GRIA3: variants seen among roughly 807,000 people sequenced by gnomAD.
The protein encoded by GRIA3 is glutamate ionotropic receptor AMPA type subunit 3, also known as glutamate receptor 3.
Under a neutral mutation model 63.0 loss-of-function variants are expected in GRIA3, and 3 were observed. The ratio of observed to expected loss-of-function variants is 0.05; its 90% confidence interval spans 0.02 to 0.12. The LOEUF (loss-of-function observed/expected upper bound fraction) is 0.12. Ranked by LOEUF, GRIA3 falls within the 10% of genes least tolerant of loss-of-function variation. GRIA3 has a pLI of 1.00. For synonymous variants in GRIA3, 274 were observed against 257.9 expected, an observed-to-expected ratio of 1.06 and a Z score of -0.60; for missense variants, 347 against 700.9, an observed-to-expected ratio of 0.50 and a Z score of 5.70.
intron 3 of GRIA3, among the ~76,000 whole-genome samples, chrX:123,316,664 G>C (rs1350556693): frequency 1.8e-5 from 2 of 112,267 alleles, no homozygotes; most frequent in Non-Finnish European, 3.8e-5. Flanking sequence ...GTTATAGTAT[G>C]TCTAAAGGTT....
At chrX:123,189,775 T>C (rs753584394) in intron 2 of GRIA3, among the ~76,000 whole-genome samples, 2 of 112,160 alleles carry the variant, frequency 1.8e-5, no homozygotes, top group Admixed American at 9.4e-5. Context: ...GAATAGGACT[T>C]AGGAGTGCAG....
rs182546565 is a variant in GRIA3, at chrX:123,414,745, A to G, written c.1501-2657A>G. Among the ~76,000 whole-genome samples the G allele has an allele frequency of 2.8e-3, 314 of 110,872 alleles. 1 individual carries two copies. Among genetic ancestry groups the G allele is most frequent in the African/African-American group, 9.7e-3 (294 of 30,452 alleles). ...CTTCATCCATGTCCCTGCAAAGGAC[A>G]TGAACTCATCCTTTTTTATGGATGC... On this transcript the variant is annotated intron_variant, in intron 10 of 15. Transcript: ENST00000620443.
intron 2 of GRIA3, among the ~76,000 whole-genome samples, chrX:123,217,985 T>C (rs1467687004): frequency 8.9e-6 from 1 of 112,483 alleles, no homozygotes; most frequent in African/African-American, 3.2e-5. Context: ...GATATAATCG[T>C]TTGGGGGAGG....
chrX:123,434,769 T>G (rs1359909951), intron 12 of GRIA3, among the ~76,000 whole-genome samples: 1 of 111,471 alleles, frequency 9.0e-6, no homozygotes, highest in African/African-American at 3.3e-5. Flanking sequence ...TGTGGCTCCA[T>G]AGCTCTTCCT....
At chrX:123,346,180 G>A (rs1322719363) in intron 4 of GRIA3, among the ~76,000 whole-genome samples, 3 of 111,523 alleles carry the variant, frequency 2.7e-5, no homozygotes, top group South Asian at 3.8e-4. Context: ...ACTGCCTCTC[G>A]ACTATTGTAA....
chrX:123,344,766 G>C (rs1200593040), intron 4 of GRIA3, among the ~76,000 whole-genome samples: 1 of 111,396 alleles, frequency 9.0e-6, no homozygotes, highest in Admixed American at 9.5e-5. Flanking sequence ...ACTCACCATG[G>C]GTGATCCCTA....
chrX:123,448,555 G>T (rs2045714592), intron 12 of GRIA3, among the ~76,000 whole-genome samples: 1 of 111,780 alleles, frequency 8.9e-6, no homozygotes, highest in South Asian at 3.8e-4. Context: ...TTAAGCTGTA[G>T]ACCTATACTG....
At chrX:123,291,178 G>C (rs1429457740) in intron 3 of GRIA3, among the ~76,000 whole-genome samples, 2 of 111,358 alleles carry the variant, frequency 1.8e-5, no homozygotes, top group Non-Finnish European at 3.8e-5. Flanking sequence ...GGCTGACCTG[G>C]ACAAAGCACC....
chrX:123,413,532 C>CAA lies in GRIA3; in HGVS notation c.1501-3833_1501-3832dup, dbSNP rs570201736. Among the ~76,000 whole-genome samples the CAA allele has an allele frequency of 3.8e-4, 6 of 15,881 alleles. 1 individual carries two copies. The highest frequency in any genetic ancestry group is 9.4e-4 in the African/African-American group (6 of 6,417). The allele number at this position is 15,881 out of a possible 115,157, so 13.8% of individuals were successfully genotyped here. A position where few individuals can be genotyped will look rare whatever the true frequency, so the allele number is the denominator to read the frequency against. ...TCTAACTGATTCAGACTCTCTCTGC[C>CAA]AAAAAAAAAAAAAAAAAAAAAAAAA... On this transcript the variant is annotated intron_variant, in intron 10 of 15. Transcript: ENST00000620443.
chrX:123,331,304 C>A (rs2044940505), intron 4 of GRIA3, among the ~76,000 whole-genome samples: 1 of 112,049 alleles, frequency 8.9e-6, no homozygotes, highest in Non-Finnish European at 1.9e-5. Flanking sequence ...AGGTAGATTT[C>A]ATTTCAGAAA....
At chrX:123,327,623 G>GAAGGGAGGAAAGGACA (rs1306072043) in intron 4 of GRIA3, among the ~76,000 whole-genome samples, 2 of 111,037 alleles carry the variant, frequency 1.8e-5, no homozygotes, top group Non-Finnish European at 3.8e-5. Context: ...GAGACGGAAG[G>GAAGGGAGGAAAGGACA]AAGGGAGGAA....
chrX:123,393,886 T>C (rs2045399012), intron 5 of GRIA3, among the ~76,000 whole-genome samples: 2 of 112,023 alleles, frequency 1.8e-5, no homozygotes, highest in African/African-American at 6.5e-5. Flanking sequence ...CAGGATATAG[T>C]TATCCAGCAA....
chrX:123,419,243 A>C (rs1213401829), intron 11 of GRIA3, among the ~76,000 whole-genome samples: 7 of 110,912 alleles, frequency 6.3e-5, no homozygotes, highest in Non-Finnish European at 1.1e-4. Context: ...CCCCGTCTCT[A>C]CTAAAAATAC....
chrX:123,340,061 T>C (rs1323243442), intron 4 of GRIA3, among the ~76,000 whole-genome samples: 1 of 111,555 alleles, frequency 9.0e-6, no homozygotes, highest in Non-Finnish European at 1.9e-5. Flanking sequence ...AAACACAGAT[T>C]TTACTCCAGT....
rs186729757 is a variant in GRIA3, at chrX:123,224,719, A to G, written c.269-28584A>G. On this transcript the variant is annotated intron_variant, in intron 2 of 15. Transcript: ENST00000620443. ...ATCCCTACTACTTCCCAACACCTCA[A>G]TCCCACCTATCTTACATATTTAAAT... Among the ~76,000 whole-genome samples, 470 of 111,469 alleles carry G rather than the reference A, an allele frequency of 4.2e-3. 6 individuals are homozygous for G. Among genetic ancestry groups the G allele is most frequent in the African/African-American group, 0.015 (454 of 30,716 alleles).
At chrX:123,390,600 G>T (rs1274063191) in intron 5 of GRIA3, among the ~76,000 whole-genome samples, 1 of 111,895 alleles carries the variant, frequency 8.9e-6, no homozygotes, top group East Asian at 2.8e-4. Flanking sequence ...TTGACAGTTT[G>T]ACTACAATGT....
intron 2 of GRIA3, among the ~76,000 whole-genome samples, chrX:123,247,733 G>A (rs762095608): frequency 9.0e-6 from 1 of 110,781 alleles, no homozygotes; most frequent in East Asian, 2.9e-4. Context: ...CCACCCAGAA[G>A]TGAGACTAGG....
chrX:123,236,396 C>T (rs1175379647), intron 2 of GRIA3, among the ~76,000 whole-genome samples: 1 of 111,358 alleles, frequency 9.0e-6, no homozygotes, highest in Admixed American at 9.6e-5. Flanking sequence ...TCAGTGATTC[C>T]ATTTAAAAGG....
chrX:123,231,294 T>G (rs1004813256), intron 2 of GRIA3, among the ~76,000 whole-genome samples: 13 of 111,445 alleles, frequency 1.2e-4, no homozygotes, highest in Admixed American at 5.7e-4. Flanking sequence ...TAGAGATCAT[T>G]GGATTCTCAT....
Sources: gnomAD v4.1 joint callset for allele counts (sites outside exome capture counted in the v4.1 genomes callset) on GRCh38, gnomAD v4.1.1 for gene constraint, MANE v1.5 for transcripts, NCBI Gene and HGNC (gene_info 2026-07-23, HGNC 2026-07-21) for gene names.